Variants in KIAA0825 observed in about 807,000 individuals in gnomAD.
KIAA0825 encodes the protein KIAA0825.
In KIAA0825, 119 loss-of-function variants were observed where a neutral mutation model predicts 147.6. The observed-to-expected ratio is 0.81, with a 90% CI of 0.69 to 0.94. The LOEUF (loss-of-function observed/expected upper bound fraction) is 0.94. KIAA0825 is among the 40% of genes least tolerant of loss of function. The pLI is 0.00. For synonymous variants in KIAA0825, 470 were observed against 518.1 expected (o/e 0.91, Z 1.26); for missense variants, 1,381 against 1,472.7 (o/e 0.94, Z 1.02).
intron 20 of KIAA0825, among the ~76,000 whole-genome samples, chr5:94,211,501 G>C (rs767255165): frequency 9.2e-5 from 14 of 152,112 alleles, no homozygotes; most frequent in Non-Finnish European, 1.0e-4. Flanking sequence ...CACATGGTCA[G>C]TGTTCCTTGC....
chr5:94,374,517 TG>T (rs1275097856), intron 20 of KIAA0825, among the ~76,000 whole-genome samples: 1 of 152,250 alleles, frequency 6.6e-6, no homozygotes, highest in East Asian at 1.9e-4. Flanking sequence ...AGTTGACTAA[TG>T]GCCCCAGCTG....
chr5:94,457,039 C>T (rs1326124634), intron 12 of KIAA0825, among the ~76,000 whole-genome samples: 1 of 152,154 alleles, frequency 6.6e-6, no homozygotes, highest in Non-Finnish European at 1.5e-5. Context: ...CTCAGTCATA[C>T]TGGTTATAGT....
chr5:94,364,420 C>G (rs548870038), intron 20 of KIAA0825, among the ~76,000 whole-genome samples: 6 of 151,580 alleles, frequency 4.0e-5, no homozygotes, highest in Admixed American at 3.9e-4. Flanking sequence ...CTTGCTCTGT[C>G]GCCCAGGCTG....
intron 20 of KIAA0825, among the ~76,000 whole-genome samples, chr5:94,360,649 T>A (rs1744933889): frequency 6.6e-6 from 1 of 152,200 alleles, no homozygotes; most frequent in Non-Finnish European, 1.5e-5. Flanking sequence ...ACAAATGCCA[T>A]GGCAGTGTAC....
chr5:94,154,967 T>C (rs918610951), intron 20 of KIAA0825, among the ~76,000 whole-genome samples: 10 of 152,098 alleles, frequency 6.6e-5, no homozygotes, highest in Admixed American at 6.6e-5. Flanking sequence ...CATAATGTAC[T>C]GTTACAAAAG....
At chr5:94,513,944 T>A (rs925582222) in intron 5 of KIAA0825, among the ~76,000 whole-genome samples, 10 of 152,132 alleles carry the variant, frequency 6.6e-5, no homozygotes, top group Admixed American at 1.3e-4. Context: ...TCTTGTCTAA[T>A]CTTAATTTTG....
At chr5:94,552,202 G>A (rs578185941) in intron 2 of KIAA0825, among the ~76,000 whole-genome samples, 43 of 152,160 alleles carry the variant, frequency 2.8e-4, no homozygotes, top group African/African-American at 8.4e-4. Context: ...TAAAGGGATC[G>A]GTTTAGCAAA....
In KIAA0825 at chr5:94,320,355, A is replaced by G. The variant is rs573902319; in HGVS notation, c.3710+64013T>C. 5.9e-5 allele frequency among the ~76,000 whole-genome samples: 9 copies of G among 151,962 alleles called. No individual in the cohort carries two copies. In the South Asian group the frequency reaches 1.7e-3, roughly 28 times the overall value. Reference sequence around the variant, plus strand: ...AGGAACATTTCAAGTCCTCTCTTCTAGCTATTTTGAAACATATGATACATT... The same window carrying G: ...AGGAACATTTCAAGTCCTCTCTTCTGGCTATTTTGAAACATATGATACATT... On this transcript the variant is annotated intron_variant, in intron 20 of 20. Transcript: ENST00000682413.
intron 20 of KIAA0825, among the ~76,000 whole-genome samples, chr5:94,320,133 C>T (rs145930138): frequency 2.0e-5 from 3 of 152,100 alleles, no homozygotes; most frequent in Non-Finnish European, 2.9e-5. Context: ...TTCAAAAGCA[C>T]CTACCCTATA....
chr5:94,162,517 G>T (rs1052511704), intron 20 of KIAA0825, among the ~76,000 whole-genome samples: 1 of 151,928 alleles, frequency 6.6e-6, no homozygotes, highest in Non-Finnish European at 1.5e-5. Flanking sequence ...TTGTTGCCCA[G>T]GCTGGCCTCA....
chr5:94,534,093 GT>G (rs1771485973), intron 3 of KIAA0825, among the ~76,000 whole-genome samples: 1 of 152,082 alleles, frequency 6.6e-6, no homozygotes, highest in Non-Finnish European at 1.5e-5. Flanking sequence ...TACTAATGTT[GT>G]TTTTTTCTTT....
intron 20 of KIAA0825, among the ~76,000 whole-genome samples, chr5:94,203,234 T>G (rs1771858267): frequency 6.6e-6 from 1 of 152,178 alleles, no homozygotes; most frequent in Non-Finnish European, 1.5e-5. Context: ...TCTTACAGAT[T>G]TTTCTCTCAG....
chr5:94,599,701 T>C (rs748073748), intron 1 of KIAA0825, among the ~76,000 whole-genome samples: 2 of 152,128 alleles, frequency 1.3e-5, no homozygotes, highest in Middle Eastern at 3.2e-3. Context: ...TCAAAGATTA[T>C]CCACAAAGTG....
At chr5:94,373,293 C>T (rs949979349) in intron 20 of KIAA0825, among the ~76,000 whole-genome samples, 1 of 152,152 alleles carries the variant, frequency 6.6e-6, no homozygotes, top group Non-Finnish European at 1.5e-5. Context: ...CTTATAGCAG[C>T]ACCCCCTCCT....
intron 20 of KIAA0825, among the ~76,000 whole-genome samples, chr5:94,310,018 C>T (rs976759212): frequency 6.6e-6 from 1 of 151,610 alleles, no homozygotes; most frequent in Non-Finnish European, 1.5e-5. Flanking sequence ...AGATAATTGA[C>T]ATATTATGTT....
intron 20 of KIAA0825, among the ~76,000 whole-genome samples, chr5:94,342,150 C>G (rs555903444): frequency 1.3e-5 from 2 of 151,570 alleles, no homozygotes; most frequent in Non-Finnish European, 2.9e-5. Context: ...GTGCCGAGAC[C>G]GCACCACTGC....
intron 20 of KIAA0825, among the ~76,000 whole-genome samples, chr5:94,180,605 G>A (rs763959826): frequency 6.6e-6 from 1 of 152,030 alleles, no homozygotes; most frequent in Non-Finnish European, 1.5e-5. Flanking sequence ...TACTATTTTT[G>A]CTAAAAATGC....
At chr5:94,551,690 C>A (rs1775568060) in intron 2 of KIAA0825, among the ~76,000 whole-genome samples, 1 of 151,872 alleles carries the variant, frequency 6.6e-6, no homozygotes, top group Non-Finnish European at 1.5e-5. Context: ...CATATATTGG[C>A]CTTATATTAA....
chr5:94,514,051 A>G (rs17083767), intron 5 of KIAA0825, among the ~76,000 whole-genome samples: 18,065 of 152,114 alleles, frequency 0.12, 3,460 homozygotes, highest in African/African-American at 0.4. Context: ...TTGGGTGGTG[A>G]TATAGCAAAG....
Sources: gnomAD v4.1 joint callset for allele counts (sites outside exome capture counted in the v4.1 genomes callset) on GRCh38, gnomAD v4.1.1 for gene constraint, MANE v1.5 for transcripts, NCBI Gene and HGNC (gene_info 2026-07-23, HGNC 2026-07-21) for gene names.